Variants in MCC observed in about 807,000 individuals in gnomAD.
MCC encodes the protein MCC regulator of Wnt signaling pathway, also known as colorectal mutant cancer protein.
Under a neutral mutation model 116.2 loss-of-function variants are expected in MCC, and 90 were observed. That is an observed-to-expected ratio of 0.77 (90% confidence interval 0.65 to 0.92). MCC has a LOEUF of 0.92. Ranked by LOEUF, MCC falls within the 40% of genes least tolerant of loss-of-function variation. MCC has a pLI of 0.00. For synonymous variants in MCC, 578 were observed against 510.5 expected, an observed-to-expected ratio of 1.13 and a Z score of -1.78; for missense variants, 1,516 against 1,312.2, an observed-to-expected ratio of 1.16 and a Z score of -2.40.
intron 1 of MCC, among the ~76,000 whole-genome samples, chr5:113,486,729 G>T (rs1260986954): frequency 1.3e-4 from 19 of 151,964 alleles, no homozygotes. Context: ...TGTAATCCCA[G>T]CTACTCGGGA....
At chr5:113,152,890 G>T (rs1008075110) in intron 3 of MCC, among the ~76,000 whole-genome samples, 1 of 152,212 alleles carries the variant, frequency 6.6e-6, no homozygotes, top group Non-Finnish European at 1.5e-5. Context: ...GTCTTCTGAT[G>T]TAGGGCTAGG....
intron 3 of MCC, among the ~76,000 whole-genome samples, chr5:113,244,270 T>C (rs912255250): frequency 3.3e-5 from 5 of 152,236 alleles, no homozygotes; most frequent in Admixed American, 1.3e-4. Flanking sequence ...TGATCATCCA[T>C]ATTTTTATGA....
chr5:113,134,721 AT>A (rs1758701230), intron 5 of MCC, among the ~76,000 whole-genome samples: 2 of 151,234 alleles, frequency 1.3e-5, no homozygotes, highest in African/African-American at 4.9e-5. Flanking sequence ...GGAGCCTGAA[AT>A]TTTTTTGTGT....
At position 113,168,946 on chromosome 5, in the gene MCC, A is replaced by G. The variant is rs149739023; in HGVS notation, c.628-17524T>C. 7.7e-4 allele frequency among the ~76,000 whole-genome samples: 117 copies of G among 152,328 alleles called. No individual in the cohort carries two copies. The Middle Eastern group carries it at 0.014, about 18-fold the overall frequency. The stretch of plus-strand genomic sequence containing the variant: ...GATATCCACCAACTCTCTTGCAGGC[A>G]TCCAACAGACATAATCGGTGGATGT... On this transcript the variant is annotated intron_variant, in intron 3 of 18. Coordinates refer to ENST00000408903, the MANE Select transcript of MCC (RefSeq NM_001085377.2).
intron 3 of MCC, among the ~76,000 whole-genome samples, chr5:113,320,671 C>T (rs1387761602): frequency 6.6e-6 from 1 of 152,234 alleles, no homozygotes; most frequent in Non-Finnish European, 1.5e-5. Context: ...CTTGGCCAAA[C>T]TATTGCTTCC....
Position 113,357,130 on chromosome 5 carries a change from A to G in MCC, c.416-16400T>C, listed in dbSNP as rs961565051. ...CAGTTTCTTAATGTTTAAAATAGGG[A>G]TAATAAAGTGTACTTTCATGAGGTT... is the stretch of plus-strand genomic sequence containing the variant. On this transcript the variant is annotated intron_variant, in intron 2 of 18. Transcript: ENST00000408903. Among the ~76,000 whole-genome samples the G allele has an allele frequency of 5.3e-5, 8 of 152,334 alleles. No individual in the cohort carries two copies. In the East Asian group the frequency reaches 1.5e-3, roughly 29 times the overall value.
intron 17 of MCC, among the ~76,000 whole-genome samples, chr5:113,034,145 C>T (rs1355042343): frequency 6.6e-6 from 1 of 150,810 alleles, no homozygotes; most frequent in Admixed American, 6.7e-5. Context: ...AGTGGTCCTC[C>T]CACCTTGCCC....
chr5:113,379,744 C>A (rs1010734120), intron 2 of MCC, among the ~76,000 whole-genome samples: 1 of 152,064 alleles, frequency 6.6e-6, no homozygotes, highest in African/African-American at 2.4e-5. Flanking sequence ...TCTGTTATGA[C>A]GTGTTTGTTC....
intron 3 of MCC, among the ~76,000 whole-genome samples, chr5:113,308,906 G>C (rs868445171): frequency 2.0e-5 from 3 of 151,390 alleles, no homozygotes; most frequent in African/African-American, 7.3e-5. Context: ...AGAAAGAGAG[G>C]GACTAACATT....
chr5:113,422,771 T>C (rs1770375863), intron 1 of MCC, among the ~76,000 whole-genome samples: 1 of 152,136 alleles, frequency 6.6e-6, no homozygotes, highest in South Asian at 2.1e-4. Context: ...CGGAGATAAA[T>C]AGGAATTAGT....
intron 3 of MCC, among the ~76,000 whole-genome samples, chr5:113,281,334 A>C (rs566904740): frequency 1.3e-5 from 2 of 152,250 alleles, no homozygotes; most frequent in African/African-American, 4.8e-5. Flanking sequence ...CAAAGTGTGC[A>C]TCACTGATAA....
At chr5:113,308,794 C>T (rs1029260001) in intron 3 of MCC, among the ~76,000 whole-genome samples, 14 of 149,056 alleles carry the variant, frequency 9.4e-5, no homozygotes, top group Admixed American at 7.4e-4. Context: ...CAGAGCAAGA[C>T]CCTAAGACCC....
chr5:113,464,936 A>C (rs937903737), intron 1 of MCC, among the ~76,000 whole-genome samples: 3 of 152,172 alleles, frequency 2.0e-5, no homozygotes, highest in Admixed American at 2.0e-4. Flanking sequence ...AAAAGACTTG[A>C]ATAAATGTAG....
intron 2 of MCC, among the ~76,000 whole-genome samples, chr5:113,382,243 C>G (rs1581441391): frequency 6.7e-6 from 1 of 150,282 alleles, no homozygotes; most frequent in African/African-American, 2.4e-5. Flanking sequence ...ACTAATTGAA[C>G]ATGTATATCT....
chr5:113,042,781 A>G (rs1247456419), intron 17 of MCC, among the ~76,000 whole-genome samples: 1 of 151,586 alleles, frequency 6.6e-6, no homozygotes, highest in Non-Finnish European at 1.5e-5. Flanking sequence ...ACTTGGTTAA[A>G]AAAAAATTTC....
intron 17 of MCC, among the ~76,000 whole-genome samples, chr5:113,042,356 T>TC (rs1751770406): frequency 6.8e-6 from 1 of 146,342 alleles, no homozygotes; most frequent in Non-Finnish European, 1.5e-5. Context: ...GCACCTGTGG[T>TC]CCTAGCTACT....
At chr5:113,208,449 C>T (rs138062204) in intron 3 of MCC, among the ~76,000 whole-genome samples, 1 of 152,108 alleles carries the variant, frequency 6.6e-6, no homozygotes, top group East Asian at 1.9e-4. Flanking sequence ...GGAAGGCTCT[C>T]CCTGCCTTGG....
chr5:113,125,777 C>G (rs916388146), intron 5 of MCC, among the ~76,000 whole-genome samples: 2 of 152,082 alleles, frequency 1.3e-5, no homozygotes, highest in Non-Finnish European at 2.9e-5. Flanking sequence ...CTAGAGGATG[C>G]CTGGTGAGGC....
At chr5:113,226,039 G>A (rs955393478) in intron 3 of MCC, among the ~76,000 whole-genome samples, 6 of 152,226 alleles carry the variant, frequency 3.9e-5, no homozygotes, top group Admixed American at 6.5e-5. Flanking sequence ...AGCCAGGTGC[G>A]GTGGCAGGTG....
Sources: gnomAD v4.1 joint callset for allele counts (sites outside exome capture counted in the v4.1 genomes callset) on GRCh38, gnomAD v4.1.1 for gene constraint, MANE v1.5 for transcripts, NCBI Gene and HGNC (gene_info 2026-07-23, HGNC 2026-07-21) for gene names.